The following MORN1 variants were observed in gnomAD, a reference collection of about 807,000 sequenced individuals.
MORN1 encodes MORN repeat-containing protein 1.
In MORN1, 67 loss-of-function variants were observed where a neutral mutation model predicts 61.9. The ratio of observed to expected loss-of-function variants is 1.08; its 90% CI spans 0.89 to 1.33. MORN1 has a LOEUF of 1.33. Among genes scored for constraint, MORN1 ranks in the 40% most tolerant of loss-of-function variants. The pLI is 0.00. For missense variants in MORN1, 752 were observed against 691.2 expected (o/e 1.09, Z -0.99); for synonymous variants, 301 against 292.0 (o/e 1.03, Z -0.31).
intron 13 of MORN1, chr1:2,322,259 C>T: frequency 1.0e-6 from 1 of 985,424 alleles, no homozygotes; most frequent in South Asian, 4.7e-5. Flanking sequence ...CCATAGAAAC[C>T]ATCCTCTCCC....
Position 2,324,089 on chromosome 1 carries a change from C to A in MORN1, c.1297+8G>T. ...AGCCGGCGATGGACTTGGGCCCTGT[C>A]CACCTACCTAGGTGTGCTGCCGCAG... On this transcript the variant is annotated splice_region_variant and intron_variant, in intron 13 of 13. Coordinates refer to ENST00000378531, the MANE Select transcript of MORN1 (RefSeq NM_024848.3). The A allele has an allele frequency of 6.3e-7, 1 of 1,595,656 alleles. No homozygotes were observed. Among genetic ancestry groups the A allele is most frequent in the East Asian group, 2.3e-5 (1 of 44,168 alleles).
intron 10 of MORN1, among the ~76,000 whole-genome samples, chr1:2,343,173 C>A (rs554648908): frequency 6.6e-6 from 1 of 152,228 alleles, no homozygotes; most frequent in South Asian, 2.1e-4. Flanking sequence ...GCTGCTCCTG[C>A]GTATTTGGCA....
At position 2,391,444 on chromosome 1, in the gene MORN1, C is replaced by G; in HGVS notation, c.76+14G>C. 8.0e-7 allele frequency: 1 copy of G among 1,256,662 alleles called. No homozygotes were observed. The highest frequency in any genetic ancestry group is 3.1e-5 in the East Asian group (1 of 31,794). 77.8% of individuals were successfully genotyped at this position (1,256,662 alleles called of 1,614,324 possible). On this transcript the variant is annotated intron_variant, in intron 1 of 13. Transcript: ENST00000378531. ...GGGCAGCCAGCGACCTGTCCCGTGG[C>G]CCGCAGTCGTTACCGTTCCGGGGCG...
At chr1:2,338,018 C>T (rs963435461) in intron 10 of MORN1, among the ~76,000 whole-genome samples, 2 of 152,144 alleles carry the variant, frequency 1.3e-5, no homozygotes, top group African/African-American at 4.8e-5. Context: ...GGCTCAGCTT[C>T]ATTTGAGGCC....
intron 12 of MORN1, among the ~76,000 whole-genome samples, chr1:2,335,680 A>T (rs1332124446): frequency 1.3e-5 from 2 of 152,188 alleles, no homozygotes; most frequent in Non-Finnish European, 2.9e-5. Context: ...CAAGGAAACA[A>T]GAGCGAGTGC....
intron 13 of MORN1, chr1:2,323,384 C>T: frequency 1.0e-6 from 1 of 985,454 alleles, no homozygotes; most frequent in South Asian, 4.7e-5. Context: ...CCAGCCAGAA[C>T]CCCAGAGACA....
intron 6 of MORN1, 116 bp downstream of exon 6, chr1:2,384,862 G>T: frequency 1.2e-6 from 1 of 821,342 alleles, no homozygotes; most frequent in Non-Finnish European, 1.9e-6. Context: ...TCAGGGAATC[G>T]CAGGGCCTGG....
At chr1:2,384,861 C>T (rs1272225646) in intron 6 of MORN1, 117 bp downstream of exon 6, 19 of 822,528 alleles carry the variant, frequency 2.3e-5, no homozygotes, top group South Asian at 1.1e-4. Context: ...ATCAGGGAAT[C>T]GCAGGGCCTG....
At position 2,321,557 on chromosome 1, in the gene MORN1, G is replaced by A. The variant is rs1381008823; in HGVS notation, c.1320C>T (p.Arg440=). The change falls in exon 14 of 14, where the codon CGC becomes CGT. Residue 440 remains arginine, a synonymous_variant. Transcript: ENST00000378531. ...AHLGEYVLMI[R]DVTTPPFLGR... ...CCAGGAACGGCGGGGTGGTCACGTCGCGGATCATGAGCACGTACTCCCCTG... is the reference window on the plus strand; with the variant it reads ...CCAGGAACGGCGGGGTGGTCACGTCACGGATCATGAGCACGTACTCCCCTG... 2.6e-6 allele frequency: 4 copies of A among 1,518,424 alleles called. No homozygotes were observed. The highest frequency in any genetic ancestry group is 1.3e-5 in the South Asian group (1 of 79,380). 94.1% of individuals were successfully genotyped at this position (1,518,424 alleles called of 1,614,324 possible).
At chr1:2,323,885 T>C in intron 13 of MORN1, 1 of 985,174 alleles carries the variant, frequency 1.0e-6, no homozygotes, top group Non-Finnish European at 1.2e-6. Context: ...GCTTCAAATC[T>C]TTCTGGACCG....
chr1:2,344,624 G>A (rs550656772), intron 10 of MORN1, among the ~76,000 whole-genome samples: 1 of 152,328 alleles, frequency 6.6e-6, no homozygotes, highest in African/African-American at 2.4e-5. Context: ...CAGGGCAAGC[G>A]TGAGGACCCT....
At chr1:2,385,592 T>C in intron 5 of MORN1, 1 of 430,022 alleles carries the variant, frequency 2.3e-6, no homozygotes, top group Non-Finnish European at 4.2e-6. Context: ...AATTGGTCAA[T>C]TTCAATAAAC....
chr1:2,365,195 A>G (rs1641973057), intron 8 of MORN1, among the ~76,000 whole-genome samples: 1 of 149,142 alleles, frequency 6.7e-6, no homozygotes, highest in Admixed American at 6.7e-5. Flanking sequence ...ACCCATGAGC[A>G]TGGAATGTTC....
chr1:2,357,042 A>G lies in MORN1; in HGVS notation c.1036+390T>C, dbSNP rs1292055909. Among the ~76,000 whole-genome samples, 2 of 152,072 alleles carry G rather than the reference A, an allele frequency of 1.3e-5. No homozygotes were observed. The highest frequency in any genetic ancestry group is 2.9e-5 in the Non-Finnish European group (2 of 67,966). ...GAGCAGTCGGCGCCGCGGCCCCCAGAGCCATGGCCGGCGGCTGCTGTGAGG... is the reference window on the plus strand; with the variant it reads ...GAGCAGTCGGCGCCGCGGCCCCCAGGGCCATGGCCGGCGGCTGCTGTGAGG... On this transcript the variant is annotated intron_variant, in intron 10 of 13. Coordinates refer to ENST00000378531, the MANE Select transcript of MORN1 (RefSeq NM_024848.3). This position sits in a 1 kb window ranked among gnomAD's most constrained non-coding sequence, Gnocchi z 6.3.
intron 10 of MORN1, chr1:2,355,067 G>A: frequency 1.3e-6 from 1 of 744,216 alleles, no homozygotes; most frequent in Non-Finnish European, 1.7e-6. Flanking sequence ...GACTCAGGCA[G>A]TGGGGCCGGC....
chr1:2,389,802 C>T, intron 2 of MORN1, 123 bp downstream of exon 2: 1 of 843,528 alleles, frequency 1.2e-6, no homozygotes, highest in Non-Finnish European at 2.0e-6. Context: ...CAGGGAAGCA[C>T]CAGGGTACAA....
At chr1:2,336,925 TG>T (rs1409833994) in intron 10 of MORN1, 75 bp from the exon 11 acceptor site, 15 of 1,405,376 alleles carry the variant, frequency 1.1e-5, no homozygotes, top group Non-Finnish European at 1.3e-5. Context: ...AGGGCTGTGC[TG>T]AAGTGTGGCT....
intron 7 of MORN1, 50 bp downstream of exon 7, chr1:2,374,411 A>G: frequency 6.6e-7 from 1 of 1,503,880 alleles, no homozygotes; most frequent in South Asian, 1.2e-5. Context: ...GGCCAGGGAC[A>G]CACCCCACAG....
At chr1:2,323,565 T>G (rs1025746833) in intron 13 of MORN1, 38 of 985,178 alleles carry the variant, frequency 3.9e-5, no homozygotes, top group Admixed American at 6.2e-5. Flanking sequence ...AGGCCCAGGC[T>G]GTGGGGCGAC....
Sources: gnomAD v4.1 joint callset for allele counts (sites outside exome capture counted in the v4.1 genomes callset) on GRCh38, gnomAD v4.1.1 for gene constraint, Gnocchi (gnomAD v3.1) non-coding constraint, MANE v1.5 for transcripts, NCBI Gene and HGNC (gene_info 2026-07-23, HGNC 2026-07-21) for gene names.